The following AUTS2 variants were observed in gnomAD, a reference collection of about 807,000 sequenced individuals.
AUTS2 encodes activator of transcription and developmental regulator AUTS2.
In AUTS2, 17 loss-of-function variants were observed where a neutral mutation model predicts 112.4. The observed-to-expected ratio is 0.15, with a 90% CI of 0.10 to 0.23. AUTS2 has a LOEUF of 0.23. Ranked by LOEUF, AUTS2 falls within the 10% of genes least tolerant of loss-of-function variation. AUTS2 has a pLI of 1.00. For synonymous variants in AUTS2, 751 were observed against 702.7 expected (o/e 1.07, Z -1.09); for missense variants, 1,510 against 1,701.6 (o/e 0.89, Z 1.98).
At chr7:69,637,388 A>G (rs888976623) in intron 1 of AUTS2, among the ~76,000 whole-genome samples, 7 of 152,180 alleles carry the variant, frequency 4.6e-5, no homozygotes, top group Admixed American at 3.3e-4. Context: ...CAGTATAGAG[A>G]GTATTGACTC....
chr7:69,652,215 A>T (rs1795323848), intron 1 of AUTS2, among the ~76,000 whole-genome samples: 1 of 152,042 alleles, frequency 6.6e-6, no homozygotes, highest in Admixed American at 6.6e-5. Flanking sequence ...CAGGCATTTT[A>T]ACTTTCCGGG....
chr7:70,460,639 C>T (rs1002555064), intron 5 of AUTS2, among the ~76,000 whole-genome samples: 9 of 152,028 alleles, frequency 5.9e-5, no homozygotes, highest in Admixed American at 3.9e-4. Context: ...GCCTGAGCCA[C>T]CCCACCCGCT....
At chr7:69,897,447 A>G (rs1794795524) in intron 1 of AUTS2, among the ~76,000 whole-genome samples, 1 of 152,096 alleles carries the variant, frequency 6.6e-6, no homozygotes. Flanking sequence ...CACATGGTAG[A>G]GGGGCAAATA....
chr7:69,915,807 C>T (rs1460222699), intron 2 of AUTS2, among the ~76,000 whole-genome samples: 1 of 152,082 alleles, frequency 6.6e-6, no homozygotes, highest in Non-Finnish European at 1.5e-5. Flanking sequence ...GCTCACTGTA[C>T]CCTCTGCCCC....
chr7:70,724,578 T>G (rs1786907942), intron 6 of AUTS2, among the ~76,000 whole-genome samples: 1 of 151,672 alleles, frequency 6.6e-6, no homozygotes, highest in Admixed American at 6.6e-5. Context: ...CCCGAGTAGC[T>G]GTGACTACAG....
intron 2 of AUTS2, among the ~76,000 whole-genome samples, chr7:70,059,181 T>C (rs1469164960): frequency 6.6e-6 from 1 of 152,330 alleles, no homozygotes; most frequent in East Asian, 1.9e-4. Flanking sequence ...TTCATCCCCC[T>C]ACCAAAACCC....
chr7:69,848,861 C>T (rs1225887752), intron 1 of AUTS2, among the ~76,000 whole-genome samples: 3 of 151,846 alleles, frequency 2.0e-5, no homozygotes, highest in African/African-American at 7.3e-5. Flanking sequence ...GAAGTGGACT[C>T]CCCCCGCCCC....
chr7:69,755,179 T>A (rs1040727294), intron 1 of AUTS2, among the ~76,000 whole-genome samples: 1 of 152,150 alleles, frequency 6.6e-6, no homozygotes, highest in African/African-American at 2.4e-5. Flanking sequence ...AGTGGCCTTA[T>A]CGAGAACAAG....
At chr7:70,121,840 A>G (rs949479104) in intron 3 of AUTS2, among the ~76,000 whole-genome samples, 2 of 152,190 alleles carry the variant, frequency 1.3e-5, no homozygotes, top group African/African-American at 4.8e-5. Context: ...TATATACCCC[A>G]AAGAATGGAA....
rs1196327844 is a variant in AUTS2, at chr7:70,738,421, T to TG, written c.743-24449_743-24448insG. 3.3e-5 allele frequency among the ~76,000 whole-genome samples: 5 copies of TG among 151,510 alleles called. No homozygotes were observed. In the East Asian group the frequency reaches 7.7e-4, roughly 23 times the overall value. ...AAAAAGTTGGAACAAGTTTTTTGTT[T>TG]TTTTTTTTTTTACTTTTTGGACATA... is the stretch of plus-strand genomic sequence containing the variant. On this transcript the variant is annotated intron_variant, in intron 6 of 18. Coordinates refer to ENST00000342771, the MANE Select transcript of AUTS2 (RefSeq NM_015570.4).
At chr7:70,555,867 C>T (rs1294433132) in intron 5 of AUTS2, among the ~76,000 whole-genome samples, 5 of 150,298 alleles carry the variant, frequency 3.3e-5, no homozygotes, top group African/African-American at 4.9e-5. Context: ...TGCAGTAGTG[C>T]GATCTCGGCT....
chr7:70,054,887 C>T (rs1801921184), intron 2 of AUTS2, among the ~76,000 whole-genome samples: 1 of 152,126 alleles, frequency 6.6e-6, no homozygotes, highest in Admixed American at 6.5e-5. Flanking sequence ...CTCTGTAATT[C>T]CAATCTCACT....
At chr7:70,441,417 G>T (rs951239264) in intron 5 of AUTS2, among the ~76,000 whole-genome samples, 2 of 151,980 alleles carry the variant, frequency 1.3e-5, no homozygotes, top group African/African-American at 4.8e-5. Flanking sequence ...ACAGGGTCTC[G>T]CTCTGTTGCC....
At chr7:70,339,143 G>A (rs1448952057) in intron 4 of AUTS2, among the ~76,000 whole-genome samples, 8 of 152,062 alleles carry the variant, frequency 5.3e-5, no homozygotes, top group Admixed American at 4.6e-4. Context: ...GATTACAGGG[G>A]TGAGCCACCG....
At chr7:70,785,132 C>CCTAAGTGGTAAGCAGGG in intron 16 of AUTS2, 113 bp downstream of exon 16, 1 of 1,080,054 alleles carries the variant, frequency 9.3e-7, no homozygotes, top group Non-Finnish European at 1.4e-6. Context: ...AGATACCCTG[C>CCTAAGTGGTAAGCAGGG]TTACCATTTA....
intron 1 of AUTS2, among the ~76,000 whole-genome samples, chr7:69,802,131 G>A (rs1790113142): frequency 6.6e-6 from 1 of 152,168 alleles, no homozygotes; most frequent in Non-Finnish European, 1.5e-5. Context: ...TGTTTGATCA[G>A]AATCTGCAAA....
intron 1 of AUTS2, among the ~76,000 whole-genome samples, chr7:69,638,145 A>G (rs1478669615): frequency 6.6e-6 from 1 of 152,172 alleles, no homozygotes; most frequent in East Asian, 1.9e-4. Flanking sequence ...CAGCCTCCCA[A>G]GTAGCTGGGA....
intron 4 of AUTS2, among the ~76,000 whole-genome samples, chr7:70,296,822 G>A (rs1384701404): frequency 6.7e-6 from 1 of 148,404 alleles, no homozygotes; most frequent in East Asian, 2.0e-4. Flanking sequence ...CTATTGATAT[G>A]TATTTCCCTG....
chr7:69,898,081 A>G (rs1292138541), intron 1 of AUTS2, among the ~76,000 whole-genome samples: 1 of 152,232 alleles, frequency 6.6e-6, no homozygotes, highest in African/African-American at 2.4e-5. Context: ...TTGAAATACA[A>G]AGGATACATG....
Sources: allele counts gnomAD v4.1 joint callset (sites outside exome capture counted in the v4.1 genomes callset), GRCh38; gene constraint gnomAD v4.1.1; transcripts MANE v1.5; gene names NCBI Gene and HGNC (gene_info 2026-07-23, HGNC 2026-07-21).